PGA5: variants seen among roughly 807,000 people sequenced by gnomAD.
PGA5 encodes pepsinogen A5.
PGA5 carries 19 observed loss-of-function variants against 15.9 expected under a neutral mutation model. The ratio of observed to expected loss-of-function variants is 1.19; its 90% confidence interval spans 0.83 to 1.75. PGA5 has a LOEUF of 1.75. PGA5 is among the 40% of genes most tolerant of loss of function. PGA5 has a pLI of 0.00. For missense variants in PGA5, 224 were observed against 246.4 expected (o/e 0.91, Z 0.61); for synonymous variants, 92 against 95.8 (o/e 0.96, Z 0.23).
In PGA5 at chr11:61,251,266, G is replaced by C. The variant is rs902615074; in HGVS notation, c.1152G>C (p.Leu384=). Residue 384 remains leucine, a synonymous_variant, in exon 9 of 9, where the codon CTG becomes CTC. Transcript: ENST00000312403. ...VFDRANNQVG[L]APVA The stretch of plus-strand genomic sequence containing the variant: ...ACAGGGCAAACAACCAGGTCGGCCT[G>C]GCCCCTGTGGCTTAAGCCTAAGTCT... 12 of 1,611,722 alleles carry C rather than the reference G, an allele frequency of 7.4e-6. No homozygotes were observed. The Admixed American group carries it at 1.7e-4, about 22-fold the overall frequency.
chr11:61,249,536 C>G, intron 6 of PGA5, 133 bp from the exon 7 acceptor site: 7 of 1,512,408 alleles, frequency 4.6e-6, no homozygotes, highest in Non-Finnish European at 5.5e-6. Flanking sequence ...AGTGCGTGAA[C>G]GAGAGGAACA....
At chr11:61,250,396 G>T (rs1004168785) in intron 8 of PGA5, among the ~76,000 whole-genome samples, 22 of 151,484 alleles carry the variant, frequency 1.5e-4, no homozygotes, top group Admixed American at 1.4e-3. Context: ...AGTGCGGTTA[G>T]GTCAACCAAG....
Position 61,250,049 on chromosome 11 carries a change from C to G in PGA5, c.1017+35C>G, listed in dbSNP as rs371461119. ...CTCTGGACCATCCACTAGAGAGGTT[C>G]ACACAGAATGTGGACACAGAGTCCC... On this transcript the variant is annotated intron_variant, in intron 8 of 8. Transcript: ENST00000312403. 3.6e-5 allele frequency: 58 copies of G among 1,601,136 alleles called. 1 individual carries two copies. Among genetic ancestry groups the G allele is most frequent in the African/African-American group, 1.1e-4 (8 of 73,004 alleles).
intron 5 of PGA5, among the ~76,000 whole-genome samples, chr11:61,246,775 A>C (rs1034006950): frequency 1.3e-5 from 2 of 150,792 alleles, no homozygotes; most frequent in Non-Finnish European, 3.0e-5. Context: ...ATAAATAAAT[A>C]AATAAATAAA....
intron 5 of PGA5, among the ~76,000 whole-genome samples, chr11:61,246,867 T>C (rs1854072049): frequency 6.6e-6 from 1 of 152,022 alleles, no homozygotes; most frequent in Non-Finnish European, 1.5e-5. Flanking sequence ...TCAAGATGTA[T>C]CATGAATGAT....
intron 5 of PGA5, among the ~76,000 whole-genome samples, 190 bp downstream of exon 5, chr11:61,246,335 G>A (rs1383921518): frequency 6.7e-6 from 1 of 149,650 alleles, no homozygotes; most frequent in South Asian, 2.1e-4. Context: ...TCTCTGACGG[G>A]CCATGTGCAC....
rs565840524 is a variant in PGA5 at position 61,249,192 on chromosome 11, C to A, written c.774-477C>A. 3.0e-4 allele frequency: 87 copies of A among 287,088 alleles called. 1 individual carries two copies. Among genetic ancestry groups the A allele is most frequent in the African/African-American group, 1.8e-3 (82 of 45,668 alleles). The allele number at this position is 287,088 out of a possible 1,614,324, so 17.8% of individuals were successfully genotyped here. A position where few individuals can be genotyped will look rare whatever the true frequency, so the allele number is the denominator to read the frequency against. On this transcript the variant is annotated intron_variant, in intron 6 of 8. Transcript: ENST00000312403. ...GCTAGAATTTCACCAGTTCCTCCAA[C>A]ACCTGCCCCAGCCCTCTGGTCTCTG... is the stretch of plus-strand genomic sequence containing the variant.
chr11:61,249,352 T>C (rs1341767430), intron 6 of PGA5: 1 of 483,006 alleles, frequency 2.1e-6, no homozygotes, highest in Non-Finnish European at 3.8e-6. Flanking sequence ...CCCTGCCTCA[T>C]GCCTGACTGA....
chr11:61,250,065 A>G (rs376324003), intron 8 of PGA5, 51 bp downstream of exon 8: 16 of 1,588,162 alleles, frequency 1.0e-5, no homozygotes, highest in Non-Finnish European at 1.4e-5. Flanking sequence ...GAATGTGGAC[A>G]CAGAGTCCCC....
At chr11:61,250,075 C>CT (rs1273548141) in intron 8 of PGA5, 61 bp downstream of exon 8, 1 of 1,575,232 alleles carries the variant, frequency 6.3e-7, no homozygotes, top group East Asian at 2.3e-5. Context: ...ACAGAGTCCC[C>CT]TTCTGCAGAG....
chr11:61,249,559 A>G (rs1854109729), intron 6 of PGA5, 110 bp from the exon 7 acceptor site: 3 of 1,577,310 alleles, frequency 1.9e-6, no homozygotes, highest in Non-Finnish European at 2.6e-6. Flanking sequence ...AATTTCACGC[A>G]TTGGCCAATG....
chr11:61,246,037 TG>T lies in PGA5; in HGVS notation c.552del (p.Leu185TrpfsTer43), dbSNP rs1391837592. ...FLYYAPFDGI[L>X]GLAYPSISSS... is the part of the protein sequence containing the mutation. ...TATTATGCTCCCTTCGATGGCATCC[TG>T]GGGCTGGCCTACCCCAGCATTTCCT... On this transcript the variant is annotated frameshift_variant, in exon 5 of 9. Transcript: ENST00000312403. LOFTEE classifies it high-confidence loss of function. 5.0e-6 allele frequency: 2 copies of T among 400,762 alleles called. No individual in the cohort carries two copies. The highest frequency in any genetic ancestry group is 7.6e-5 in the East Asian group (2 of 26,404). 24.8% of individuals were successfully genotyped at this position (400,762 alleles called of 1,614,324 possible).
chr11:61,251,205 G>A lies in PGA5; in HGVS notation c.1091G>A (p.Gly364Asp). The A allele has an allele frequency of 1.2e-6, 2 of 1,611,856 alleles. No individual in the cohort carries two copies. The highest frequency in any genetic ancestry group is 8.5e-7 in the Non-Finnish European group (1 of 1,179,856). ...PTESGELWIL[G>D]DVFIRQYFTV... Reference sequence around the variant, plus strand: ...GAATCTGGAGAGCTTTGGATCCTGGGTGATGTCTTCATCCGCCAGTACTTT... The same window carrying A: ...GAATCTGGAGAGCTTTGGATCCTGGATGATGTCTTCATCCGCCAGTACTTT... Residue 364 changes from glycine to aspartate, a missense_variant, in exon 9 of 9, where the codon GGT becomes GAT. Gly to Asp is a moderately conservative substitution (Grantham distance 94, BLOSUM62 -1). Coordinates refer to ENST00000312403, the MANE Select transcript of PGA5 (RefSeq NM_014224.5).
Position 61,251,135 on chromosome 11 carries a change from G to A in PGA5, c.1021G>A (p.Glu341Lys), listed in dbSNP as rs138308982. 379 of 1,611,832 alleles carry A rather than the reference G, an allele frequency of 2.4e-4. 1 individual carries two copies. The highest frequency in any genetic ancestry group is 5.7e-5 in the Non-Finnish European group (67 of 1,179,848). ...VPPSAYILQSEGSCISGFQGM... is the reference protein window; with the variant it reads ...VPPSAYILQSKGSCISGFQGM... ...CTTTTATTCTCCTTTTCTCCAGAGCGAGGGGAGCTGCATCAGTGGCTTCCA... is the reference window on the plus strand; with the variant it reads ...CTTTTATTCTCCTTTTCTCCAGAGCAAGGGGAGCTGCATCAGTGGCTTCCA... Residue 341 changes from glutamate to lysine, a missense_variant, in exon 9 of 9, where the codon GAG (glutamate) becomes AAG (lysine). Coordinates refer to ENST00000312403, the MANE Select transcript of PGA5 (RefSeq NM_014224.5).
chr11:61,249,582 A>G, intron 6 of PGA5, 87 bp from the exon 7 acceptor site: 1 of 1,608,980 alleles, frequency 6.2e-7, no homozygotes, highest in Non-Finnish European at 8.5e-7. Flanking sequence ...TGGGTGGGGA[A>G]GGAATGTCTG....
chr11:61,246,372 T>C (rs1483711299), intron 5 of PGA5, among the ~76,000 whole-genome samples: 3 of 151,400 alleles, frequency 2.0e-5, no homozygotes, highest in Non-Finnish European at 4.4e-5. Context: ...AGCATCTTTG[T>C]CCCCTTGATG....
rs1469517273 is a variant in PGA5 at position 61,250,838 on chromosome 11, T to C, written c.1018-294T>C. 2.3e-5 allele frequency: 15 copies of C among 648,962 alleles called. No homozygotes were observed. In the Admixed American group the frequency reaches 3.2e-4, roughly 14 times the overall value. The allele number at this position is 648,962 out of a possible 1,614,324, so 40.2% of individuals were successfully genotyped here. On this transcript the variant is annotated intron_variant, in intron 8 of 8. Coordinates refer to ENST00000312403, the MANE Select transcript of PGA5 (RefSeq NM_014224.5). Reference sequence around the variant, plus strand: ...GTAGTGGCAGGGTTTTTAAACTCCTTCCTAGCAGCTGAATTCTACCTAAGC... The same window carrying C: ...GTAGTGGCAGGGTTTTTAAACTCCTCCCTAGCAGCTGAATTCTACCTAAGC...
chr11:61,249,969 C>T lies in PGA5; in HGVS notation c.972C>T (p.Ile324=). The change falls in exon 8 of 9, where the codon ATC becomes ATT. Residue 324 remains isoleucine, a synonymous_variant. Coordinates refer to ENST00000312403, the MANE Select transcript of PGA5 (RefSeq NM_014224.5). ...ISSLPDIVFT[I]NGVQYPVPPS... ...GCCTGCCCGACATCGTCTTCACCATCAATGGAGTCCAGTACCCCGTGCCAC... is the reference window on the plus strand; with the variant it reads ...GCCTGCCCGACATCGTCTTCACCATTAATGGAGTCCAGTACCCCGTGCCAC... The T allele has an allele frequency of 6.2e-7, 1 of 1,612,596 alleles. No homozygotes were observed. The highest frequency in any genetic ancestry group is 8.5e-7 in the Non-Finnish European group (1 of 1,179,494).
At position 61,248,468 on chromosome 11, in the gene PGA5, T is replaced by C; in HGVS notation, c.706T>C (p.Tyr236His). The C allele has an allele frequency of 6.2e-7, 1 of 1,613,768 alleles. No homozygotes were observed. Among genetic ancestry groups the C allele is most frequent in the Non-Finnish European group, 8.5e-7 (1 of 1,179,868 alleles). The change falls in exon 6 of 9, where the codon TAC becomes CAC. Residue 236 changes from tyrosine to histidine, a missense_variant. Coordinates refer to ENST00000312403, the MANE Select transcript of PGA5 (RefSeq NM_014224.5). ...VVIFGGIDSS[Y>H]YTGSLNWVPV... Reference sequence around the variant, plus strand: ...GATCTTTGGTGGCATTGACTCTTCTTACTACACTGGAAGTCTGAACTGGGT... The same window carrying C: ...GATCTTTGGTGGCATTGACTCTTCTCACTACACTGGAAGTCTGAACTGGGT...
Sources: allele counts gnomAD v4.1 joint callset (sites outside exome capture counted in the v4.1 genomes callset), GRCh38; gene constraint gnomAD v4.1.1; transcripts MANE v1.5; gene names NCBI Gene and HGNC (gene_info 2026-07-23, HGNC 2026-07-21).